The following CSNK1A1 variants were observed in gnomAD, a reference collection of about 807,000 sequenced individuals.
The protein encoded by CSNK1A1 is casein kinase 1 alpha 1.
CSNK1A1 carries 7 observed loss-of-function variants against 46.1 expected under a neutral mutation model. The ratio of observed to expected loss-of-function variants is 0.15; its 90% CI spans 0.09 to 0.29. CSNK1A1 has a LOEUF of 0.29. Among genes scored for constraint, CSNK1A1 ranks in the 10% least tolerant of loss-of-function variants. The pLI is 1.00. For missense variants in CSNK1A1, 96 were observed against 417.1 expected, an observed-to-expected ratio of 0.23 and a Z score of 6.71; for synonymous variants, 137 against 141.5, an observed-to-expected ratio of 0.97 and a Z score of 0.23.
At chr5:149,524,791 C>T (rs112890585) in intron 3 of CSNK1A1, among the ~76,000 whole-genome samples, 3 of 152,316 alleles carry the variant, frequency 2.0e-5, no homozygotes, top group African/African-American at 7.2e-5. Context: ...TAACCTGCTA[C>T]ATATGACACT....
chr5:149,550,221 C>T lies in CSNK1A1; in HGVS notation c.124-40G>A, dbSNP rs1364370610. 3 of 1,605,240 alleles carry T rather than the reference C, an allele frequency of 1.9e-6. No homozygotes were observed. The highest frequency in any genetic ancestry group is 2.6e-6 in the Non-Finnish European group (3 of 1,175,540). On this transcript the variant is annotated intron_variant, in intron 1 of 9. Transcript: ENST00000377843. This position sits in a 1 kb window ranked among gnomAD's most constrained non-coding sequence, Gnocchi z 4.3. The stretch of plus-strand genomic sequence containing the variant: ...GGGGATGATGGCATCAACATCCCTA[C>T]GGATTCAATGTCACTTAGGAAAGGA...
At chr5:149,529,893 T>C (rs1443979825) in intron 2 of CSNK1A1, among the ~76,000 whole-genome samples, 3 of 152,150 alleles carry the variant, frequency 2.0e-5, no homozygotes, top group Non-Finnish European at 4.4e-5. Context: ...GATTTCAAGC[T>C]AGGGGTTTGC....
chr5:149,501,549 A>T lies in CSNK1A1; in HGVS notation c.1006+3898T>A, dbSNP rs1048237154. The T allele has an allele frequency of 4.1e-6, 4 of 985,110 alleles. No homozygotes were observed. In the African/African-American group the frequency reaches 5.2e-5, roughly 13 times the overall value. The allele number at this position is 985,110 out of a possible 1,614,324, so 61.0% of individuals were successfully genotyped here. The stretch of plus-strand genomic sequence containing the variant: ...GGTAGGTCAATATGATAGAAAAATA[A>T]TATTTGTAATCCCCTCTGAATGTCA... On this transcript the variant is annotated intron_variant, in intron 9 of 9. Coordinates refer to ENST00000377843, the MANE Select transcript of CSNK1A1 (RefSeq NM_001892.6).
At chr5:149,544,219 C>G (rs1029185452) in intron 2 of CSNK1A1, among the ~76,000 whole-genome samples, 8 of 152,142 alleles carry the variant, frequency 5.3e-5, no homozygotes, top group African/African-American at 1.9e-4. Flanking sequence ...TTAGAACAAT[C>G]CTTTTTTTAT....
chr5:149,542,589 AATTTAT>A lies in CSNK1A1; in HGVS notation c.230+7480_230+7485del, dbSNP rs1561771926. On this transcript the variant is annotated intron_variant, in intron 2 of 9. Transcript: ENST00000377843. Reference sequence around the variant, plus strand: ...AGCATTTACTCCGAAATGAGATACAAATTTATATATATATATATATATATATATATA... The same window carrying A: ...AGCATTTACTCCGAAATGAGATACAAATATATATATATATATATATATATA... Among the ~76,000 whole-genome samples the A allele has an allele frequency of 3.0e-5, 2 of 66,786 alleles. 1 individual carries two copies. Among genetic ancestry groups the A allele is most frequent in the Non-Finnish European group, 5.7e-5 (2 of 35,016 alleles). The allele number at this position is 66,786 out of a possible 152,430, so 43.8% of individuals were successfully genotyped here.
At chr5:149,513,355 T>C in intron 4 of CSNK1A1, 146 bp from the exon 5 acceptor site, 1 of 716,510 alleles carries the variant, frequency 1.4e-6, no homozygotes. Context: ...ATGAACAGAC[T>C]TAACACCCCC....
rs553666274 is a variant in CSNK1A1, at chr5:149,551,242, T to G, written c.-278A>C. ...TCTCGGCGGCCGCCGCTGCCTCGCTTGCGCGGCGACGTCGCGGGCTGGAAA... is the reference window on the plus strand; with the variant it reads ...TCTCGGCGGCCGCCGCTGCCTCGCTGGCGCGGCGACGTCGCGGGCTGGAAA... On this transcript the variant is annotated 5_prime_UTR_variant, in exon 1 of 10. Transcript: ENST00000377843. 3.9e-5 allele frequency: 12 copies of G among 308,848 alleles called. No homozygotes were observed. In the East Asian group the frequency reaches 8.0e-4, roughly 21 times the overall value. The allele number at this position is 308,848 out of a possible 1,614,324, so 19.1% of individuals were successfully genotyped here.
At chr5:149,496,965 G>C (rs1405920916) in intron 9 of CSNK1A1, 105 bp from the exon 10 acceptor site, 1 of 1,479,882 alleles carries the variant, frequency 6.8e-7, no homozygotes, top group East Asian at 2.5e-5. Context: ...TAATTATAGT[G>C]GCTCATGTTA....
Position 149,497,058 on chromosome 5 carries a change from T to C in CSNK1A1, c.1007-198A>G, listed in dbSNP as rs1313075539. ...ATACTTAAAACTAATTTTTTCTGTT[T>C]TGAATGACTCTAGGAAGGAGTGGTA... is the stretch of plus-strand genomic sequence containing the variant. On this transcript the variant is annotated intron_variant, in intron 9 of 9. Transcript: ENST00000377843. 10 of 1,407,454 alleles carry C rather than the reference T, an allele frequency of 7.1e-6. No individual in the cohort carries two copies. The South Asian group carries it at 1.6e-4, about 23-fold the overall frequency. 87.2% of individuals were successfully genotyped at this position (1,407,454 alleles called of 1,614,324 possible).
chr5:149,550,033 G>A lies in CSNK1A1; in HGVS notation c.230+42C>T, dbSNP rs1384478226. ...CTGCCTCTACCCACTTCCCCATTCC[G>A]TGCTTCCCTCAGCGGATCGCCTATA... On this transcript the variant is annotated intron_variant, in intron 2 of 9. Coordinates refer to ENST00000377843, the MANE Select transcript of CSNK1A1 (RefSeq NM_001892.6). This position sits in a 1 kb window ranked among gnomAD's most constrained non-coding sequence, Gnocchi z 4.3. 5 of 1,593,426 alleles carry A rather than the reference G, an allele frequency of 3.1e-6. No homozygotes were observed. The highest frequency in any genetic ancestry group is 4.3e-6 in the Non-Finnish European group (5 of 1,167,552).
chr5:149,499,058 A>C (rs1385693389), intron 9 of CSNK1A1: 25 of 985,350 alleles, frequency 2.5e-5, no homozygotes, highest in Non-Finnish European at 2.9e-5. Flanking sequence ...GCCAGGGATC[A>C]ACATTTCTCC....
intron 2 of CSNK1A1, chr5:149,529,845 C>A: frequency 2.5e-6 from 1 of 407,802 alleles, no homozygotes; most frequent in Non-Finnish European, 5.0e-6. Flanking sequence ...ATGACAATGA[C>A]ATGGTTACCA....
intron 9 of CSNK1A1, chr5:149,504,408 A>G (rs893574340): frequency 3.1e-6 from 3 of 982,980 alleles, no homozygotes; most frequent in South Asian, 9.4e-5. Flanking sequence ...AGATTAATCT[A>G]TAAAGGCCAA....
chr5:149,504,651 A>G (rs1366009832), intron 9 of CSNK1A1: 2 of 985,350 alleles, frequency 2.0e-6, no homozygotes, highest in African/African-American at 3.5e-5. Context: ...AAATAAGACT[A>G]GCGGTTTCAA....
Position 149,496,300 on chromosome 5 carries a change from A to T in CSNK1A1, c.*553T>A, listed in dbSNP as rs1026302602. ...GGCAGAGTCTTTCATATGCTCAAAC[A>T]CTGGAATCTTTGGTTGCTACCATAT... On this transcript the variant is annotated 3_prime_UTR_variant, in exon 10 of 10. Transcript: ENST00000377843. 1.3e-5 allele frequency: 2 copies of T among 153,114 alleles called. No homozygotes were observed. The highest frequency in any genetic ancestry group is 4.8e-5 in the African/African-American group (2 of 41,448). 9.5% of individuals were successfully genotyped at this position (153,114 alleles called of 1,614,324 possible). A position where few individuals can be genotyped will look rare whatever the true frequency, so the allele number is the denominator to read the frequency against.
rs1391040093 is a variant in CSNK1A1 at position 149,513,897 on chromosome 5, C to CT, written c.457-689dup. ...CCTGGGTGACAGAGCAAAACTCTTT[C>CT]TTAAAAAAAAAAAAAAAATCCAGAT... On this transcript the variant is annotated intron_variant, in intron 4 of 9. Transcript: ENST00000377843. 4.0e-4 allele frequency among the ~76,000 whole-genome samples: 53 copies of CT among 132,430 alleles called. 1 individual carries two copies. Among genetic ancestry groups the CT allele is most frequent in the African/African-American group, 1.3e-3 (48 of 37,120 alleles). 86.9% of individuals were successfully genotyped at this position (132,430 alleles called of 152,430 possible). A position where few individuals can be genotyped will look rare whatever the true frequency, so the allele number is the denominator to read the frequency against.
At chr5:149,501,845 TCA>T in intron 9 of CSNK1A1, 1 of 975,120 alleles carries the variant, frequency 1.0e-6, no homozygotes, top group Non-Finnish European at 1.2e-6. Flanking sequence ...TTTTTGATAA[TCA>T]CATATAGTCA....
intron 9 of CSNK1A1, among the ~76,000 whole-genome samples, chr5:149,500,269 C>T (rs1760801705): frequency 6.6e-6 from 1 of 151,866 alleles, no homozygotes; most frequent in African/African-American, 2.4e-5. Flanking sequence ...TCCCAAGTAG[C>T]TGGGACTATA....
intron 4 of CSNK1A1, among the ~76,000 whole-genome samples, chr5:149,518,714 C>T (rs1207237793): frequency 6.6e-6 from 1 of 151,960 alleles, no homozygotes; most frequent in Non-Finnish European, 1.5e-5. Flanking sequence ...GAGACCTAAA[C>T]CTCCTAAAAA....
Sources: allele counts gnomAD v4.1 joint callset (sites outside exome capture counted in the v4.1 genomes callset), GRCh38; gene constraint gnomAD v4.1.1; non-coding constraint Gnocchi (gnomAD v3.1); transcripts MANE v1.5; gene names NCBI Gene and HGNC (gene_info 2026-07-23, HGNC 2026-07-21).